The following OR3A2 variants were observed in gnomAD, a reference collection of about 807,000 sequenced individuals.
OR3A2 encodes olfactory receptor 3A2.
For missense variants in OR3A2, 318 were observed against 392.8 expected (o/e 0.81, Z 1.61); for synonymous variants, 126 against 159.3 (o/e 0.79, Z 1.57).
intron 2 of OR3A2, among the ~76,000 whole-genome samples, chr17:3,356,023 C>T (rs963027572): frequency 3.3e-5 from 5 of 151,212 alleles, no homozygotes; most frequent in Non-Finnish European, 7.4e-5. Context: ...TACCATGAGG[C>T]TAGCAAATAC....
intron 3 of OR3A2, chr17:3,310,737 A>C: frequency 1.8e-6 from 1 of 549,858 alleles, no homozygotes; most frequent in Non-Finnish European, 3.7e-6. Context: ...GAGCTGGGGA[A>C]TCCAGCAAGC....
rs535937170 is a variant in OR3A2 at position 3,294,169 on chromosome 17, AAAAAT to A, written c.-84-15021_-84-15017del. Among the ~76,000 whole-genome samples the A allele has an allele frequency of 2.6e-3, 400 of 151,580 alleles. 1 individual carries two copies. Among genetic ancestry groups the A allele is most frequent in the Non-Finnish European group, 3.4e-3 (231 of 67,990 alleles). Reference sequence around the variant, plus strand: ...TGTTACCCAACATTTCGGCCTCTCTAAAAATAAAATAAAAAAAAAACTTAAGGAGG... The same window carrying A: ...TGTTACCCAACATTTCGGCCTCTCTAAAAATAAAAAAAAAACTTAAGGAGG... On this transcript the variant is annotated intron_variant, in intron 3 of 4. Coordinates refer to the OR3A2 transcript ENST00000573491.
At chr17:3,321,411 A>G (rs2049121179) in intron 3 of OR3A2, among the ~76,000 whole-genome samples, 1 of 152,020 alleles carries the variant, frequency 6.6e-6, no homozygotes, top group Non-Finnish European at 1.5e-5. Context: ...AACTTCCAAC[A>G]CTATGTTGAA....
chr17:3,372,685 G>A (rs1157538248), intron 2 of OR3A2, among the ~76,000 whole-genome samples: 15 of 151,910 alleles, frequency 9.9e-5, no homozygotes, highest in Non-Finnish European at 1.3e-4. Flanking sequence ...CCAGTCAGGC[G>A]TGGCGGCGCG....
At chr17:3,284,906 GT>G (rs903518675), upstream of OR3A2, among the ~76,000 whole-genome samples, 2 of 151,744 alleles carry the variant, frequency 1.3e-5, no homozygotes, top group African/African-American at 2.4e-5. Flanking sequence ...ACCTGGGGAG[GT>G]AGGAGGAGGC....
chr17:3,328,130 C>T (rs1292543019), intron 3 of OR3A2, among the ~76,000 whole-genome samples: 1 of 144,562 alleles, frequency 6.9e-6, no homozygotes, highest in African/African-American at 2.7e-5. Context: ...GGCATTGAAT[C>T]TGTAAATTAC....
At chr17:3,316,335 A>G (rs1305547707) in intron 3 of OR3A2, among the ~76,000 whole-genome samples, 1 of 152,194 alleles carries the variant, frequency 6.6e-6, no homozygotes, top group African/African-American at 2.4e-5. Flanking sequence ...ACTGTTGAGT[A>G]CATCCACGAT....
At chr17:3,279,381 G>C (rs2048764021) in intron 1 of OR3A2, among the ~76,000 whole-genome samples, 1 of 152,176 alleles carries the variant, frequency 6.6e-6, no homozygotes, top group African/African-American at 2.4e-5. Context: ...AACATACAAG[G>C]CTTCCTCTAT....
At chr17:3,305,927 C>A (rs1309426927) in intron 3 of OR3A2, among the ~76,000 whole-genome samples, 2 of 152,190 alleles carry the variant, frequency 1.3e-5, no homozygotes, top group African/African-American at 4.8e-5. Flanking sequence ...TGTATTTGGT[C>A]ACCTCTTTAC....
At chr17:3,321,027 C>T (rs994465525) in intron 3 of OR3A2, among the ~76,000 whole-genome samples, 1 of 152,100 alleles carries the variant, frequency 6.6e-6, no homozygotes, top group African/African-American at 2.4e-5. Context: ...AATGTGTTTC[C>T]ATTTCTTTGT....
At chr17:3,378,670 G>A (rs2049706455) in intron 2 of OR3A2, among the ~76,000 whole-genome samples, 1 of 152,144 alleles carries the variant, frequency 6.6e-6, no homozygotes, top group South Asian at 2.1e-4. Flanking sequence ...CGCAGCAGCT[G>A]CTCCAGATGG....
At chr17:3,338,956 G>A (rs1201830792) in intron 2 of OR3A2, among the ~76,000 whole-genome samples, 2 of 152,124 alleles carry the variant, frequency 1.3e-5, no homozygotes, top group East Asian at 1.9e-4. Context: ...GCAGTGGTTT[G>A]TAGCTCTCCT....
chr17:3,322,433 T>C (rs1233509054), intron 3 of OR3A2, among the ~76,000 whole-genome samples: 3 of 152,214 alleles, frequency 2.0e-5, no homozygotes, highest in Non-Finnish European at 4.4e-5. Flanking sequence ...GTGTTTGCTC[T>C]TGCTTCTCTA....
At chr17:3,326,549 T>C (rs1468050956) in intron 3 of OR3A2, among the ~76,000 whole-genome samples, 1 of 145,956 alleles carries the variant, frequency 6.9e-6, no homozygotes, top group Non-Finnish European at 1.5e-5. Flanking sequence ...CTGTCTTTTT[T>C]TTTTCTTCTT....
chr17:3,330,548 T>G (rs1239210941), intron 3 of OR3A2, among the ~76,000 whole-genome samples: 3 of 152,140 alleles, frequency 2.0e-5, no homozygotes, highest in Non-Finnish European at 2.9e-5. Flanking sequence ...GCCTTTTTTT[T>G]GTTTTCCATT....
chr17:3,372,472 C>T (rs1450789693), intron 2 of OR3A2, among the ~76,000 whole-genome samples: 2 of 151,848 alleles, frequency 1.3e-5, no homozygotes, highest in Admixed American at 6.5e-5. Flanking sequence ...CCAAGGCAGG[C>T]GGCTGGGAGG....
intron 3 of OR3A2, among the ~76,000 whole-genome samples, chr17:3,293,292 A>G (rs1421513800): frequency 6.6e-6 from 1 of 152,240 alleles, no homozygotes; most frequent in Non-Finnish European, 1.5e-5. Flanking sequence ...AGAAGCAGAG[A>G]AAAGGCTAAA....
intron 3 of OR3A2, among the ~76,000 whole-genome samples, chr17:3,307,956 C>T (rs1339145340): frequency 2.6e-5 from 4 of 152,160 alleles, no homozygotes; most frequent in Non-Finnish European, 5.9e-5. Flanking sequence ...CAACACCGTC[C>T]CCAACACAAG....
chr17:3,310,577 A>G (rs1165558246), intron 3 of OR3A2: 1 of 537,006 alleles, frequency 1.9e-6, no homozygotes, highest in Non-Finnish European at 3.8e-6. Context: ...GCCATTTCAT[A>G]TCCAACGACA....
Sources: allele counts gnomAD v4.1 joint callset (sites outside exome capture counted in the v4.1 genomes callset), GRCh38; gene constraint gnomAD v4.1.1; transcripts MANE v1.5; gene names NCBI Gene and HGNC (gene_info 2026-07-23, HGNC 2026-07-21).